Variants in MYO10 observed in about 807,000 individuals in gnomAD.
MYO10 encodes the protein unconventional myosin-X.
Under a neutral mutation model 257.3 loss-of-function variants are expected in MYO10, and 133 were observed. That is an observed-to-expected ratio of 0.52 (90% CI 0.45 to 0.60). MYO10 has a LOEUF of 0.60. Among genes scored for constraint, MYO10 ranks in the 20% least tolerant of loss-of-function variants. The pLI is 0.00. For missense variants in MYO10, 2,399 were observed against 2,635.7 expected, an observed-to-expected ratio of 0.91 and a Z score of 1.97; for synonymous variants, 1,104 against 1,028.6, an observed-to-expected ratio of 1.07 and a Z score of -1.40.
intron 28 of MYO10, among the ~76,000 whole-genome samples, chr5:16,689,276 A>C (rs866072212): frequency 6.6e-6 from 1 of 152,218 alleles, no homozygotes; most frequent in Non-Finnish European, 1.5e-5. Flanking sequence ...AACATTTAGA[A>C]TATTAGCCTG....
intron 19 of MYO10, among the ~76,000 whole-genome samples, chr5:16,716,628 G>A (rs1316573204): frequency 6.6e-6 from 1 of 151,520 alleles, no homozygotes; most frequent in African/African-American, 2.4e-5. Flanking sequence ...AAGTTATAAT[G>A]TTTTTCAGCA....
intron 21 of MYO10, 104 bp downstream of exon 21, chr5:16,710,804 G>A (rs1291780100): frequency 1.1e-6 from 1 of 947,544 alleles, no homozygotes; most frequent in Non-Finnish European, 1.6e-6. Context: ...TTCCCAATGT[G>A]AAAGAACAAT....
At position 16,673,730 on chromosome 5, in the gene MYO10, G is replaced by A. The variant is rs374259243; in HGVS notation, c.5124C>T (p.Gly1708=). ...QEMTSTVYCH[G]GGSCKITINS... ...TGATGGTGATCTTGCAGGAGCCGCC[G>A]CCATGGCAATAGACCGTGGATGTCA... The change falls in exon 36 of 41, where the codon GGC becomes GGT. Residue 1708 remains glycine (G), a synonymous_variant. Transcript: ENST00000513610. 1.5e-5 allele frequency: 24 copies of A among 1,613,922 alleles called. No homozygotes were observed. Among genetic ancestry groups the A allele is most frequent in the African/African-American group, 8.0e-5 (6 of 75,000 alleles).
Position 16,680,015 on chromosome 5 carries a change from T to C in MYO10, c.4474A>G (p.Ile1492Val), listed in dbSNP as rs560557805. ...LNEATRWSSA[I>V]QNVTDTKAPI... ...GCCTTGGTGTCAGTCACGTTTTGAA[T>C]GGCACTGGACCACCGGGTGGCCTCG... The change falls in exon 33 of 41, where the codon ATT becomes GTT. Residue 1492 changes from isoleucine (I) to valine (V), a missense_variant. Ile to Val is a conservative substitution (Grantham distance 29). Coordinates refer to ENST00000513610, the MANE Select transcript of MYO10 (RefSeq NM_012334.3). 2 of 1,613,850 alleles carry C rather than the reference T, an allele frequency of 1.2e-6. No individual in the cohort carries two copies. Among genetic ancestry groups the C allele is most frequent in the South Asian group, 1.1e-5 (1 of 91,062 alleles).
intron 19 of MYO10, among the ~76,000 whole-genome samples, chr5:16,728,561 T>G (rs1295288532): frequency 6.6e-6 from 1 of 151,526 alleles, no homozygotes; most frequent in Admixed American, 6.6e-5. Flanking sequence ...GAATTAAAAG[T>G]TAAACGGCAT....
chr5:16,794,110 C>A (rs58009555), intron 4 of MYO10, among the ~76,000 whole-genome samples: 22,042 of 151,920 alleles, frequency 0.15, 1,850 homozygotes, highest in South Asian at 0.27. Flanking sequence ...CCTTAACATA[C>A]ACACAGTAAG....
intron 19 of MYO10, among the ~76,000 whole-genome samples, chr5:16,734,244 G>C (rs1416452787): frequency 2.0e-5 from 3 of 152,028 alleles, no homozygotes; most frequent in Non-Finnish European, 4.4e-5. Context: ...TTCCTTCAGC[G>C]ATCCAATTTG....
chr5:16,924,862 A>G (rs1376505304), intron 1 of MYO10, among the ~76,000 whole-genome samples: 1 of 122,554 alleles, frequency 8.2e-6, no homozygotes, highest in Admixed American at 1.0e-4. Context: ...ACAGAGTCTC[A>G]CTTTGTCACC....
At chr5:16,733,486 C>T (rs1192824999) in intron 19 of MYO10, among the ~76,000 whole-genome samples, 2 of 152,136 alleles carry the variant, frequency 1.3e-5, no homozygotes, top group Non-Finnish European at 2.9e-5. Flanking sequence ...TTGAAAATTG[C>T]TCAGTGCCGT....
At chr5:16,690,001 G>A in intron 27 of MYO10, 82 bp from the exon 28 acceptor site, 2 of 1,007,682 alleles carry the variant, frequency 2.0e-6, no homozygotes. Flanking sequence ...TGAAGCCAAT[G>A]ACTAGAGTTG....
chr5:16,904,774 A>C (rs1405528958), intron 1 of MYO10, among the ~76,000 whole-genome samples: 1 of 152,108 alleles, frequency 6.6e-6, no homozygotes, highest in Non-Finnish European at 1.5e-5. Context: ...CTAAAAATTC[A>C]AAAAATTAGC....
At chr5:16,881,032 G>A (rs909495699) in intron 1 of MYO10, among the ~76,000 whole-genome samples, 1 of 152,104 alleles carries the variant, frequency 6.6e-6, no homozygotes, top group African/African-American at 2.4e-5. Flanking sequence ...TGTTCAAAGT[G>A]ATATAAGGCA....
intron 1 of MYO10, among the ~76,000 whole-genome samples, chr5:16,894,453 TG>T (rs1456765784): frequency 6.6e-6 from 1 of 152,102 alleles, no homozygotes; most frequent in Admixed American, 6.6e-5. Context: ...CATGTGGCCT[TG>T]GACAAATGAA....
At chr5:16,929,848 T>C (rs1206077592) in intron 1 of MYO10, among the ~76,000 whole-genome samples, 2 of 152,162 alleles carry the variant, frequency 1.3e-5, no homozygotes, top group African/African-American at 2.4e-5. Flanking sequence ...AACCCACAGA[T>C]ACTGAGTACA....
intron 3 of MYO10, among the ~76,000 whole-genome samples, chr5:16,807,836 C>T (rs140734918): frequency 1.3e-5 from 2 of 152,242 alleles, no homozygotes; most frequent in South Asian, 2.1e-4. Context: ...TGTGACGCTC[C>T]TTCTTTGTGT....
At chr5:16,728,289 C>A (rs1044319120) in intron 19 of MYO10, among the ~76,000 whole-genome samples, 33 of 152,022 alleles carry the variant, frequency 2.2e-4, no homozygotes, top group African/African-American at 7.7e-4. Context: ...GATTTCTCAA[C>A]TCTGCCTCCT....
At chr5:16,915,403 C>T (rs988390108) in intron 1 of MYO10, among the ~76,000 whole-genome samples, 1 of 152,134 alleles carries the variant, frequency 6.6e-6, no homozygotes, top group Admixed American at 6.6e-5. Flanking sequence ...CTATGATTAT[C>T]GTTATTTTTA....
chr5:16,815,194 T>C (rs1240115195), intron 3 of MYO10: 5 of 423,688 alleles, frequency 1.2e-5, no homozygotes, highest in Non-Finnish European at 2.1e-5. Context: ...TTTTCTCTAA[T>C]GACAGCAAAG....
intron 24 of MYO10, 100 bp downstream of exon 24, chr5:16,702,443 A>G (rs756596013): frequency 9.8e-6 from 11 of 1,121,706 alleles, no homozygotes; most frequent in Non-Finnish European, 1.4e-5. Context: ...TCTTCCTGTT[A>G]TCTTTCTACT....
Sources: gnomAD v4.1 joint callset for allele counts (sites outside exome capture counted in the v4.1 genomes callset) on GRCh38, gnomAD v4.1.1 for gene constraint, MANE v1.5 for transcripts, NCBI Gene and HGNC (gene_info 2026-07-23, HGNC 2026-07-21) for gene names.